MEF2A: variants seen among roughly 807,000 people sequenced by gnomAD.
MEF2A encodes the protein myocyte enhancer factor 2A.
A neutral mutation model predicts 55.8 loss-of-function variants in MEF2A; 28 were observed. That is an observed-to-expected ratio of 0.50 (90% CI 0.37 to 0.69). MEF2A has a LOEUF of 0.69. Ranked by LOEUF, MEF2A falls within the 30% of genes least tolerant of loss-of-function variation. The pLI is 0.00. For missense variants in MEF2A, 528 were observed against 626.2 expected (o/e 0.84, Z 1.67); for synonymous variants, 239 against 227.1 (o/e 1.05, Z -0.47).
At position 99,625,688 on chromosome 15, in the gene MEF2A, G is replaced by A. The variant is rs139520538; in HGVS notation, c.-142-7290G>A. 3.0e-3 allele frequency among the ~76,000 whole-genome samples: 454 copies of A among 152,084 alleles called. 4 individuals carry two copies. The highest frequency in any genetic ancestry group is 0.01 in the African/African-American group (425 of 41,536). On this transcript the variant is annotated intron_variant, in intron 2 of 11. Coordinates refer to ENST00000557942, the MANE Select transcript of MEF2A (RefSeq NM_001319206.4). ...TGGTTGAGTGTTTTTATCATAAAGG[G>A]TGTTGTATTTTGTCAAATCCTTTTT...
chr15:99,574,689 G>A (rs1164776503), intron 1 of MEF2A, among the ~76,000 whole-genome samples: 9 of 152,170 alleles, frequency 5.9e-5, no homozygotes, highest in Admixed American at 5.9e-4. Context: ...GCAAGCGACG[G>A]GGAGCGGCTG....
chr15:99,581,479 C>T (rs925805955), intron 1 of MEF2A, among the ~76,000 whole-genome samples: 1 of 151,466 alleles, frequency 6.6e-6, no homozygotes. Flanking sequence ...CCTTCATTTC[C>T]TCATTTGAGT....
intron 4 of MEF2A, among the ~76,000 whole-genome samples, chr15:99,658,449 G>A (rs1194761911): frequency 1.3e-5 from 2 of 152,136 alleles, no homozygotes; most frequent in African/African-American, 4.8e-5. Context: ...ATGTTTAGAA[G>A]TTCTAGCTTA....
intron 1 of MEF2A, among the ~76,000 whole-genome samples, chr15:99,582,849 A>G (rs533590452): frequency 2.0e-5 from 3 of 152,232 alleles, no homozygotes; most frequent in Admixed American, 6.5e-5. Flanking sequence ...TATTACAGTA[A>G]TTTATAATTG....
chr15:99,682,901 C>T (rs2053510087), intron 7 of MEF2A, among the ~76,000 whole-genome samples: 1 of 152,158 alleles, frequency 6.6e-6, no homozygotes, highest in Non-Finnish European at 1.5e-5. Flanking sequence ...GAAGAATCTT[C>T]TAAATAATAT....
intron 8 of MEF2A, among the ~76,000 whole-genome samples, chr15:99,700,249 C>T (rs1318224355): frequency 7.0e-6 from 1 of 142,716 alleles, no homozygotes; most frequent in African/African-American, 2.6e-5. Flanking sequence ...CACAGTGGCT[C>T]GTGCCTGTAA....
At chr15:99,572,271 T>C (rs1456496438) in intron 1 of MEF2A, among the ~76,000 whole-genome samples, 1 of 152,192 alleles carries the variant, frequency 6.6e-6, no homozygotes, top group Non-Finnish European at 1.5e-5. Context: ...TTCTAGGGCC[T>C]TTTGCACTTT....
chr15:99,568,154 T>C (rs992195816), intron 1 of MEF2A, among the ~76,000 whole-genome samples: 29 of 152,240 alleles, frequency 1.9e-4, no homozygotes, highest in African/African-American at 6.3e-4. Context: ...AATTACACTT[T>C]ACTTGCCTTC....
chr15:99,674,635 C>T (rs1567403802), intron 6 of MEF2A, 23 bp downstream of exon 6: 2 of 1,566,890 alleles, frequency 1.3e-6, no homozygotes, highest in Admixed American at 3.4e-5. Context: ...ACCTATTATG[C>T]TGGTTCTTTA....
intron 2 of MEF2A, among the ~76,000 whole-genome samples, chr15:99,608,537 C>G (rs1975941570): frequency 6.6e-6 from 1 of 152,198 alleles, no homozygotes; most frequent in Admixed American, 6.5e-5. Flanking sequence ...CTCCCCTCCT[C>G]CCATCCTGTT....
chr15:99,684,419 G>C (rs1489155200), intron 7 of MEF2A, among the ~76,000 whole-genome samples: 2 of 152,194 alleles, frequency 1.3e-5, no homozygotes, highest in African/African-American at 4.8e-5. Flanking sequence ...GCAGGAGTAA[G>C]GTGGTATCTC....
At chr15:99,702,517 G>T (rs1386833476) in intron 8 of MEF2A, among the ~76,000 whole-genome samples, 2 of 144,460 alleles carry the variant, frequency 1.4e-5, no homozygotes, top group African/African-American at 5.1e-5. Flanking sequence ...AACCTCTGCC[G>T]CCCGGGTTCA....
At chr15:99,570,377 G>T (rs541192316) in intron 1 of MEF2A, among the ~76,000 whole-genome samples, 2 of 151,914 alleles carry the variant, frequency 1.3e-5, no homozygotes, top group East Asian at 3.9e-4. Flanking sequence ...AAATAAACAA[G>T]AAAACATGAA....
At chr15:99,572,013 GT>G (rs36027608) in intron 1 of MEF2A, among the ~76,000 whole-genome samples, 85,016 of 128,330 alleles carry the variant, frequency 0.66, 29,336 homozygotes, top group Middle Eastern at 0.84. Flanking sequence ...CTCCATAGAA[GT>G]TTTTTTTTTT....
At chr15:99,623,347 A>C (rs948099090) in intron 2 of MEF2A, among the ~76,000 whole-genome samples, 1 of 152,186 alleles carries the variant, frequency 6.6e-6, no homozygotes, top group African/African-American at 2.4e-5. Context: ...ACTATTGTGA[A>C]TAATGCTTCT....
intron 3 of MEF2A, among the ~76,000 whole-genome samples, chr15:99,639,398 G>T (rs188758055): frequency 1.8e-4 from 27 of 152,242 alleles, no homozygotes; most frequent in African/African-American, 5.8e-4. Context: ...TTTTCACTCA[G>T]TGTAGTGTTT....
At chr15:99,611,932 G>A (rs1178548966) in intron 2 of MEF2A, among the ~76,000 whole-genome samples, 1 of 152,164 alleles carries the variant, frequency 6.6e-6, no homozygotes, top group Non-Finnish European at 1.5e-5. Context: ...GCTACAGATT[G>A]TATAATTGTA....
chr15:99,607,233 G>A (rs947196296), intron 2 of MEF2A, among the ~76,000 whole-genome samples: 3 of 152,194 alleles, frequency 2.0e-5, no homozygotes, highest in African/African-American at 7.2e-5. Context: ...TTGACTTCTA[G>A]GTGTGGTGGA....
chr15:99,684,986 A>G (rs541970503), intron 7 of MEF2A, among the ~76,000 whole-genome samples: 48 of 152,244 alleles, frequency 3.2e-4, no homozygotes, highest in Middle Eastern at 3.4e-3. Flanking sequence ...TGCTTTGTTG[A>G]AGATCAGTTG....
Sources: gnomAD v4.1 joint callset for allele counts (sites outside exome capture counted in the v4.1 genomes callset) on GRCh38, gnomAD v4.1.1 for gene constraint, MANE v1.5 for transcripts, NCBI Gene and HGNC (gene_info 2026-07-23, HGNC 2026-07-21) for gene names.